Variants in SFMBT2 observed in about 807,000 individuals in gnomAD.
SFMBT2 encodes scm-like with four MBT domains protein 2.
SFMBT2 carries 38 observed loss-of-function variants against 110.1 expected under a neutral mutation model. The ratio of observed to expected loss-of-function variants is 0.35; its 90% CI spans 0.27 to 0.45. SFMBT2 has a LOEUF of 0.45. Ranked by LOEUF, SFMBT2 falls within the 20% of genes least tolerant of loss-of-function variation. SFMBT2 has a pLI of 1.00. For missense variants in SFMBT2, 1,011 were observed against 1,094.9 expected, an observed-to-expected ratio of 0.92 and a Z score of 1.08; for synonymous variants, 425 against 425.4, an observed-to-expected ratio of 1.00 and a Z score of 0.01.
At chr10:7,182,285 G>A (rs777681014) in intron 16 of SFMBT2, among the ~76,000 whole-genome samples, 15 of 152,164 alleles carry the variant, frequency 9.9e-5, no homozygotes, top group Admixed American at 3.3e-4. Context: ...TGATCCTCCC[G>A]CCTCAGCCTC....
intron 4 of SFMBT2, among the ~76,000 whole-genome samples, chr10:7,334,996 C>G (rs1445218327): frequency 6.6e-6 from 1 of 152,150 alleles, no homozygotes; most frequent in South Asian, 2.1e-4. Flanking sequence ...CATAAATCAC[C>G]AGGATGCTTT....
intron 11 of SFMBT2, among the ~76,000 whole-genome samples, chr10:7,213,493 T>C (rs188189776): frequency 1.5e-3 from 229 of 152,264 alleles, no homozygotes; most frequent in Middle Eastern, 0.014. Flanking sequence ...GCAGGAATTA[T>C]TGTAGAGTTT....
In SFMBT2 at chr10:7,367,563, G is replaced by C. The variant is rs193110959; in HGVS notation, c.436+86C>G. ...GCACTAAGACCATTAGGGATTCTAC[G>C]CAAGGTTCTCTCTGCTCCTTGCAAA... On this transcript the variant is annotated intron_variant, in intron 4 of 20. Coordinates refer to ENST00000397167, the MANE Select transcript of SFMBT2 (RefSeq NM_001387889.1). This position sits in a 1 kb window ranked among gnomAD's most constrained non-coding sequence, Gnocchi z 6.2. The C allele has an allele frequency of 1.0e-5, 16 of 1,528,742 alleles. No individual in the cohort carries two copies. The Admixed American group carries it at 2.1e-4, about 20-fold the overall frequency. 94.7% of individuals were successfully genotyped at this position (1,528,742 alleles called of 1,614,324 possible). A position where few individuals can be genotyped will look rare whatever the true frequency, so the allele number is the denominator to read the frequency against.
intron 4 of SFMBT2, among the ~76,000 whole-genome samples, chr10:7,342,607 C>T (rs1167330180): frequency 6.6e-6 from 1 of 151,950 alleles, no homozygotes; most frequent in Non-Finnish European, 1.5e-5. Context: ...GACAGGGTTT[C>T]ACCATGGTCT....
At chr10:7,398,677 G>A (rs1177268381) in intron 1 of SFMBT2, among the ~76,000 whole-genome samples, 1 of 152,020 alleles carries the variant, frequency 6.6e-6, no homozygotes, top group African/African-American at 2.4e-5. Context: ...AGTCACACTG[G>A]GTTCAAACCT....
At chr10:7,234,212 A>AC (rs35191840) in intron 9 of SFMBT2, among the ~76,000 whole-genome samples, 36,628 of 152,076 alleles carry the variant, frequency 0.24, 4,728 homozygotes, top group South Asian at 0.38. Flanking sequence ...AGTGCAGGAA[A>AC]AAAACAAACA....
chr10:7,272,243 C>T (rs1399843889), intron 7 of SFMBT2, among the ~76,000 whole-genome samples: 1 of 152,172 alleles, frequency 6.6e-6, no homozygotes, highest in African/African-American at 2.4e-5. Context: ...TCCTCCTAAA[C>T]TCTAACCAAA....
At chr10:7,376,726 AC>A (rs1564465323) in intron 2 of SFMBT2, among the ~76,000 whole-genome samples, 4 of 37,244 alleles carry the variant, frequency 1.1e-4, no homozygotes, top group African/African-American at 3.4e-4. Flanking sequence ...AGGCCCTCCC[AC>A]AAAAAAAAAA....
chr10:7,206,484 T>C, intron 11 of SFMBT2: 1 of 985,422 alleles, frequency 1.0e-6, no homozygotes, highest in South Asian at 4.7e-5. Flanking sequence ...GACAAGGCCC[T>C]TCTCTAGGAA....
chr10:7,212,481 T>C (rs1217625225), intron 11 of SFMBT2, among the ~76,000 whole-genome samples: 1 of 152,190 alleles, frequency 6.6e-6, no homozygotes, highest in Non-Finnish European at 1.5e-5. Context: ...ATCAGGAGGC[T>C]TGCAGACACA....
chr10:7,375,306 G>T (rs12762272), intron 2 of SFMBT2, among the ~76,000 whole-genome samples: 3,061 of 152,266 alleles, frequency 0.02, 39 homozygotes, highest in Middle Eastern at 0.037. Flanking sequence ...TTTGTTTAAG[G>T]AATAAAATCT....
intron 7 of SFMBT2, among the ~76,000 whole-genome samples, chr10:7,265,867 G>A (rs1841370512): frequency 6.6e-6 from 1 of 152,192 alleles, no homozygotes; most frequent in South Asian, 2.1e-4. Context: ...GGAAGGCACT[G>A]AGGATAAAGC....
chr10:7,338,306 C>T (rs905282458), intron 4 of SFMBT2, among the ~76,000 whole-genome samples: 3 of 152,124 alleles, frequency 2.0e-5, no homozygotes, highest in Non-Finnish European at 4.4e-5. Flanking sequence ...CCCTGTAAAA[C>T]TGAAATTCTA....
chr10:7,323,423 C>A (rs1334994404), intron 4 of SFMBT2, among the ~76,000 whole-genome samples: 1 of 144,308 alleles, frequency 6.9e-6, no homozygotes, highest in African/African-American at 2.6e-5. Context: ...TGCACTCCAT[C>A]CTGGGCAACA....
intron 16 of SFMBT2, among the ~76,000 whole-genome samples, chr10:7,179,259 C>T (rs940695928): frequency 1.3e-5 from 2 of 151,872 alleles, no homozygotes; most frequent in Admixed American, 1.3e-4. Context: ...ATCCTACAGC[C>T]TTGAATGGCT....
intron 4 of SFMBT2, among the ~76,000 whole-genome samples, chr10:7,288,564 T>C (rs1842169845): frequency 6.6e-6 from 1 of 152,194 alleles, no homozygotes; most frequent in Non-Finnish European, 1.5e-5. Context: ...AAAGTGGCCC[T>C]CTTGCATGTC....
chr10:7,368,065 T>C (rs1362406924), intron 3 of SFMBT2, among the ~76,000 whole-genome samples, 176 bp from the exon 4 acceptor site: 2 of 152,250 alleles, frequency 1.3e-5, no homozygotes, highest in Non-Finnish European at 2.9e-5. Flanking sequence ...TGCTAAACTT[T>C]ACATTTGCAG....
chr10:7,240,720 C>T (rs922242608), intron 9 of SFMBT2, among the ~76,000 whole-genome samples: 2 of 152,136 alleles, frequency 1.3e-5, no homozygotes, highest in Non-Finnish European at 2.9e-5. Flanking sequence ...GCAGACACCA[C>T]TTCAATAGGA....
intron 4 of SFMBT2, among the ~76,000 whole-genome samples, chr10:7,365,056 C>A (rs533232252): frequency 6.6e-6 from 1 of 152,310 alleles, no homozygotes; most frequent in Non-Finnish European, 1.5e-5. Flanking sequence ...TCCCTCAGGA[C>A]CTGTTTAGGC....
Sources: allele counts gnomAD v4.1 joint callset (sites outside exome capture counted in the v4.1 genomes callset), GRCh38; gene constraint gnomAD v4.1.1; non-coding constraint Gnocchi (gnomAD v3.1); transcripts MANE v1.5; gene names NCBI Gene and HGNC (gene_info 2026-07-23, HGNC 2026-07-21).